The following PLB1 variants were observed in gnomAD, a reference collection of about 807,000 sequenced individuals.
The protein encoded by PLB1 is phospholipase B1, membrane-associated.
In PLB1, 242 loss-of-function variants were observed where a neutral mutation model predicts 227.4. That is an observed-to-expected ratio of 1.06 (90% CI 0.96 to 1.18). PLB1 has a LOEUF of 1.18. Ranked by LOEUF, PLB1 falls within the 50% of genes most tolerant of loss-of-function variation. The pLI is 0.00. For missense variants in PLB1, 1,858 were observed against 1,816.3 expected (o/e 1.02, Z -0.42); for synonymous variants, 757 against 682.2 (o/e 1.11, Z -1.71).
At chr2:28,642,545 C>A (rs1045218555) in intron 57 of PLB1, among the ~76,000 whole-genome samples, 6 of 152,168 alleles carry the variant, frequency 3.9e-5, no homozygotes, top group African/African-American at 1.2e-4. Context: ...GGTGGGAGTT[C>A]TACAGGCCCC....
intron 26 of PLB1, among the ~76,000 whole-genome samples, chr2:28,587,179 A>C (rs1681042223): frequency 6.6e-6 from 1 of 152,218 alleles, no homozygotes; most frequent in Admixed American, 6.5e-5. Flanking sequence ...TACTGGGTGC[A>C]CGCAACTAAA....
chr2:28,605,378 A>T (rs142562368), intron 41 of PLB1, among the ~76,000 whole-genome samples: 4 of 152,254 alleles, frequency 2.6e-5, no homozygotes, highest in African/African-American at 9.6e-5. Context: ...ATGCACCCCC[A>T]GCACCTCCAG....
intron 35 of PLB1, among the ~76,000 whole-genome samples, chr2:28,599,632 T>C (rs1410936664): frequency 6.6e-6 from 1 of 152,200 alleles, no homozygotes; most frequent in Non-Finnish European, 1.5e-5. Flanking sequence ...TTTGGCCTTT[T>C]TTTAGATAGA....
At chr2:28,598,560 CCCACTTTGGGGA>C in intron 34 of PLB1, 80 bp from the exon 35 acceptor site, 1 of 969,526 alleles carries the variant, frequency 1.0e-6, no homozygotes, top group Non-Finnish European at 1.7e-6. Flanking sequence ...GATAACACAG[CCCACTTTGGGGA>C]CCTAGGTCCC....
intron 25 of PLB1, among the ~76,000 whole-genome samples, chr2:28,582,792 C>T (rs549793614): frequency 4.6e-5 from 7 of 152,248 alleles, no homozygotes; most frequent in African/African-American, 9.6e-5. Context: ...AAGAGTAAAA[C>T]GCTAGGAATG....
At chr2:28,590,709 C>T (rs77440118) in intron 29 of PLB1, among the ~76,000 whole-genome samples, 10,131 of 152,092 alleles carry the variant, frequency 0.067, 394 homozygotes, top group Non-Finnish European at 0.084. Flanking sequence ...CCAAAATCAT[C>T]TGACTTTTCT....
chr2:28,611,216 T>G (rs1411182265), intron 43 of PLB1, among the ~76,000 whole-genome samples: 1 of 152,136 alleles, frequency 6.6e-6, no homozygotes, highest in Non-Finnish European at 1.5e-5. Context: ...CATTCTAGTG[T>G]CTCCTTGACC....
intron 49 of PLB1, among the ~76,000 whole-genome samples, chr2:28,621,451 T>C (rs1287861933): frequency 6.6e-6 from 1 of 152,184 alleles, no homozygotes; most frequent in Non-Finnish European, 1.5e-5. Context: ...AGTCTTTGGC[T>C]CTGAAAAAGC....
At chr2:28,605,690 G>T (rs1461567574) in intron 41 of PLB1, among the ~76,000 whole-genome samples, 163 bp from the exon 42 acceptor site, 1 of 152,174 alleles carries the variant, frequency 6.6e-6, no homozygotes, top group East Asian at 1.9e-4. Flanking sequence ...TTGTGGGATC[G>T]CTCTGATCTC....
intron 1 of PLB1, among the ~76,000 whole-genome samples, chr2:28,515,151 T>C (rs1246718554): frequency 6.6e-6 from 1 of 152,240 alleles, no homozygotes; most frequent in Non-Finnish European, 1.5e-5. Flanking sequence ...ACCATTTACA[T>C]TTTTATCCTG....
At chr2:28,631,152 C>CAAAAAAA (rs56107032) in intron 54 of PLB1, among the ~76,000 whole-genome samples, 1 of 137,666 alleles carries the variant, frequency 7.3e-6, no homozygotes, top group African/African-American at 2.7e-5. Context: ...GACCCTATCT[C>CAAAAAAA]AAAAAAAAAA....
chr2:28,543,796 C>G (rs1157379718), intron 14 of PLB1, among the ~76,000 whole-genome samples: 1 of 152,254 alleles, frequency 6.6e-6, no homozygotes, highest in Non-Finnish European at 1.5e-5. Context: ...CCCAACATAT[C>G]TAGCGCGCAG....
intron 1 of PLB1, among the ~76,000 whole-genome samples, chr2:28,505,835 G>T (rs1260085635): frequency 6.6e-6 from 1 of 152,146 alleles, no homozygotes; most frequent in Non-Finnish European, 1.5e-5. Context: ...GAACCTGCTT[G>T]GGTCACACAC....
chr2:28,543,641 G>T (rs775950933), intron 14 of PLB1, among the ~76,000 whole-genome samples: 1 of 152,182 alleles, frequency 6.6e-6, no homozygotes, highest in African/African-American at 2.4e-5. Flanking sequence ...GGTGTTGTGC[G>T]GTTGTCAAGG....
At chr2:28,589,628 G>A in intron 27 of PLB1, 47 bp from the exon 28 acceptor site, 1 of 1,606,022 alleles carries the variant, frequency 6.2e-7, no homozygotes, top group Non-Finnish European at 8.5e-7. Context: ...TCACTTATAT[G>A]ATCCAGTGTG....
rs1558961697 is a variant in PLB1 at position 28,630,570 on chromosome 2, AC to A, written c.3819-15del. The A allele has an allele frequency of 6.2e-7, 1 of 1,610,644 alleles. No individual in the cohort carries two copies. Among genetic ancestry groups the A allele is most frequent in the South Asian group, 1.1e-5 (1 of 90,748 alleles). ...GTGCCCCAGGCAGCCTCAATACAAC[AC>A]TCCCTGTCTCACAGGAACAACTGCA... On this transcript the variant is annotated splice_polypyrimidine_tract_variant and intron_variant, in intron 53 of 57. Coordinates refer to ENST00000327757, the MANE Select transcript of PLB1 (RefSeq NM_153021.5).
Position 28,620,630 on chromosome 2 carries a change from C to T in PLB1, c.3414C>T (p.His1138=). 3 of 1,613,970 alleles carry T rather than the reference C, an allele frequency of 1.9e-6. No homozygotes were observed. The highest frequency in any genetic ancestry group is 1.3e-5 in the African/African-American group (1 of 75,030). Residue 1138 remains histidine (H), a synonymous_variant, in exon 48 of 58, where the codon CAC becomes CAT. Coordinates refer to ENST00000327757, the MANE Select transcript of PLB1 (RefSeq NM_153021.5). ...GAGGGGATGGGAACTTGGAGACTCA[C>T]ACCACACTGCCCAGTAAGTAGCAGC... ...SIGGDGNLET[H]TTLPNILKKF...
chr2:28,592,088 C>T (rs754763457), intron 31 of PLB1, among the ~76,000 whole-genome samples: 24 of 152,310 alleles, frequency 1.6e-4, no homozygotes, highest in Admixed American at 4.6e-4. Flanking sequence ...GAAGCTGGCT[C>T]TGTGGCCCTA....
intron 48 of PLB1, 71 bp from the exon 49 acceptor site, chr2:28,620,808 C>T (rs1686939339): frequency 1.4e-6 from 2 of 1,458,502 alleles, no homozygotes; most frequent in Admixed American, 1.7e-5. Flanking sequence ...ACCCTGCATG[C>T]TCATCTCAGT....
Sources: allele counts gnomAD v4.1 joint callset (sites outside exome capture counted in the v4.1 genomes callset), GRCh38; gene constraint gnomAD v4.1.1; transcripts MANE v1.5; gene names NCBI Gene and HGNC (gene_info 2026-07-23, HGNC 2026-07-21).